MLLT3: variants seen among roughly 807,000 people sequenced by gnomAD.
The protein encoded by MLLT3 is protein AF-9.
Under a neutral mutation model 53.2 loss-of-function variants are expected in MLLT3, and 4 were observed. That is an observed-to-expected ratio of 0.08 (90% CI 0.04 to 0.17). MLLT3 has a LOEUF of 0.17. Ranked by LOEUF, MLLT3 falls within the 10% of genes least tolerant of loss-of-function variation. The pLI is 1.00. For missense variants in MLLT3, 569 were observed against 684.0 expected (o/e 0.83, Z 1.87); for synonymous variants, 283 against 230.6 (o/e 1.23, Z -2.06).
intron 5 of MLLT3, among the ~76,000 whole-genome samples, chr9:20,376,105 T>C (rs530833763): frequency 1.3e-5 from 2 of 152,296 alleles, no homozygotes; most frequent in African/African-American, 4.8e-5. Flanking sequence ...AAAAATACCA[T>C]TTAATGCTTT....
chr9:20,435,564 C>A (rs1170839845), intron 4 of MLLT3, among the ~76,000 whole-genome samples: 1 of 152,074 alleles, frequency 6.6e-6, no homozygotes, highest in Non-Finnish European at 1.5e-5. Context: ...CCAGATAAGG[C>A]AAGCACTAAG....
chr9:20,474,676 CCAA>C (rs895526693), intron 2 of MLLT3, among the ~76,000 whole-genome samples: 10 of 151,916 alleles, frequency 6.6e-5, no homozygotes, highest in Non-Finnish European at 1.3e-4. Flanking sequence ...AGCAGTTTGA[CCAA>C]CGAGGGGAAA....
chr9:20,599,443 T>G (rs982393994), intron 2 of MLLT3, among the ~76,000 whole-genome samples: 1 of 142,556 alleles, frequency 7.0e-6, no homozygotes, highest in Non-Finnish European at 1.5e-5. Context: ...CTGAAACAAT[T>G]AGTAACCAGA....
At chr9:20,452,512 G>A (rs553322776) in intron 3 of MLLT3, among the ~76,000 whole-genome samples, 4 of 151,972 alleles carry the variant, frequency 2.6e-5, no homozygotes, top group East Asian at 1.9e-4. Context: ...ACCCAGTCTC[G>A]GGTATTAATA....
At chr9:20,439,771 T>A (rs1002723660) in intron 4 of MLLT3, among the ~76,000 whole-genome samples, 8 of 152,170 alleles carry the variant, frequency 5.3e-5, no homozygotes, top group African/African-American at 1.7e-4. Context: ...TTCAGTGGGA[T>A]CTCATCTACA....
chr9:20,489,714 A>G (rs556774663), intron 2 of MLLT3, among the ~76,000 whole-genome samples: 2 of 152,284 alleles, frequency 1.3e-5, no homozygotes, highest in East Asian at 3.9e-4. Context: ...ATGCAAAACA[A>G]CTCAGGGTCT....
intron 2 of MLLT3, among the ~76,000 whole-genome samples, chr9:20,461,675 A>C (rs1824110951): frequency 6.6e-6 from 1 of 152,116 alleles, no homozygotes; most frequent in South Asian, 2.1e-4. Context: ...CTTCATTTAA[A>C]CTTTAGAAGT....
In MLLT3 at chr9:20,502,707, A is replaced by T. The variant is rs1323700431; in HGVS notation, c.194-45921T>A. On this transcript the variant is annotated intron_variant, in intron 2 of 10. Transcript: ENST00000380338. ...CAAATACTATGCTATTTTATATCAGAGATTTCAGAATCCATGGGTTTGGGT... is the reference window on the plus strand; with the variant it reads ...CAAATACTATGCTATTTTATATCAGTGATTTCAGAATCCATGGGTTTGGGT... Among the ~76,000 whole-genome samples the T allele has an allele frequency of 3.9e-5, 6 of 152,238 alleles. 1 individual carries two copies. In the East Asian group the frequency reaches 1.2e-3, roughly 29 times the overall value.
intron 9 of MLLT3, among the ~76,000 whole-genome samples, chr9:20,353,884 A>G (rs995026966): frequency 5.3e-5 from 8 of 152,242 alleles, no homozygotes; most frequent in African/African-American, 9.6e-5. Flanking sequence ...TCCTCCAACA[A>G]TATCTCTACA....
At chr9:20,619,534 CAGG>C (rs1419091299) in intron 2 of MLLT3, among the ~76,000 whole-genome samples, 5 of 152,152 alleles carry the variant, frequency 3.3e-5, no homozygotes, top group Non-Finnish European at 7.3e-5. Context: ...TAAGAAACGA[CAGG>C]AGTTCTAGAT....
intron 4 of MLLT3, among the ~76,000 whole-genome samples, chr9:20,422,992 C>T (rs781109690): frequency 8.5e-5 from 13 of 152,180 alleles, no homozygotes; most frequent in African/African-American, 2.4e-4. Context: ...AACTGAGGTA[C>T]GAATATCAAT....
At chr9:20,555,591 C>A (rs538151243) in intron 2 of MLLT3, among the ~76,000 whole-genome samples, 1 of 152,330 alleles carries the variant, frequency 6.6e-6, no homozygotes, top group East Asian at 1.9e-4. Context: ...AAACAACTAT[C>A]TCTCCATCTT....
chr9:20,622,211 G>C, intron 1 of MLLT3, 34 bp downstream of exon 1: 1 of 1,590,632 alleles, frequency 6.3e-7, no homozygotes, highest in Non-Finnish European at 8.6e-7. Context: ...GAAAGTGGGG[G>C]AGGGCTTTTA....
chr9:20,621,982 G>A lies in MLLT3; in HGVS notation c.12+263C>T. 1 of 1,400,258 alleles carries A rather than the reference G, an allele frequency of 7.1e-7. No homozygotes were observed. The highest frequency in any genetic ancestry group is 9.2e-7 in the Non-Finnish European group (1 of 1,084,004). The allele number at this position is 1,400,258 out of a possible 1,614,324, so 86.7% of individuals were successfully genotyped here. A position where few individuals can be genotyped will look rare whatever the true frequency, so the allele number is the denominator to read the frequency against. On this transcript the variant is annotated intron_variant, in intron 1 of 10. Transcript: ENST00000380338. This position sits in a 1 kb window ranked among gnomAD's most constrained non-coding sequence, Gnocchi z 7.0. ...GCGCTTCTTGTGACTGCAAAGAGGC[G>A]AGGAGGGAGGGAGGCGCGGGGGGTG...
chr9:20,622,238 T>C lies in MLLT3; in HGVS notation c.12+7A>G. ...GGGCTTTTATTATTATTTTTGCGCG[T>C]ACTTACCGAGCTAGCCATGCCTGGG... On this transcript the variant is annotated splice_region_variant and intron_variant, in intron 1 of 10. Transcript: ENST00000380338. The C allele has an allele frequency of 6.3e-7, 1 of 1,596,996 alleles. No individual in the cohort carries two copies. The highest frequency in any genetic ancestry group is 8.6e-7 in the Non-Finnish European group (1 of 1,169,028).
At chr9:20,503,215 A>G (rs1295792874) in intron 2 of MLLT3, among the ~76,000 whole-genome samples, 2 of 152,242 alleles carry the variant, frequency 1.3e-5, no homozygotes, top group Non-Finnish European at 2.9e-5. Context: ...GTATGGAACC[A>G]CGAAAGACCC....
intron 5 of MLLT3, among the ~76,000 whole-genome samples, chr9:20,367,343 G>A (rs1465766877): frequency 2.6e-5 from 4 of 152,126 alleles, no homozygotes; most frequent in African/African-American, 9.7e-5. Flanking sequence ...ATGTGTCTTT[G>A]CTCCCCAGAT....
At chr9:20,352,578 A>T (rs1821054535) in intron 10 of MLLT3, among the ~76,000 whole-genome samples, 1 of 152,122 alleles carries the variant, frequency 6.6e-6, no homozygotes, top group Non-Finnish European at 1.5e-5. Flanking sequence ...CTTTTGTTCA[A>T]ATCTAAAATT....
intron 3 of MLLT3, among the ~76,000 whole-genome samples, chr9:20,452,975 C>T (rs1393113294): frequency 6.6e-6 from 1 of 152,126 alleles, no homozygotes; most frequent in Non-Finnish European, 1.5e-5. Context: ...GTATTGTACA[C>T]TTAATACACT....
Sources: allele counts gnomAD v4.1 joint callset (sites outside exome capture counted in the v4.1 genomes callset), GRCh38; gene constraint gnomAD v4.1.1; non-coding constraint Gnocchi (gnomAD v3.1); transcripts MANE v1.5; gene names NCBI Gene and HGNC (gene_info 2026-07-23, HGNC 2026-07-21).